The following NBEA variants were observed in gnomAD, a reference collection of about 807,000 sequenced individuals.
The protein encoded by NBEA is neurobeachin.
In NBEA, 44 loss-of-function variants were observed where a neutral mutation model predicts 343.4. The ratio of observed to expected loss-of-function variants is 0.13; its 90% CI spans 0.10 to 0.16. The LOEUF (loss-of-function observed/expected upper bound fraction) is 0.16. NBEA is among the 10% of genes least tolerant of loss of function. The pLI is 1.00. For missense variants in NBEA, 2,555 were observed against 3,631.3 expected (o/e 0.70, Z 7.62); for synonymous variants, 1,175 against 1,238.7 (o/e 0.95, Z 1.08).
At chr13:35,279,292 CATT>C in intron 34 of NBEA, among the ~76,000 whole-genome samples, 1 of 152,212 alleles carries the variant, frequency 6.6e-6, no homozygotes, top group African/African-American at 2.4e-5. Context: ...GATTTTAAAT[CATT>C]AATCTTTACT....
intron 38 of NBEA, among the ~76,000 whole-genome samples, chr13:35,384,781 C>T (rs973946556): frequency 6.6e-6 from 1 of 152,128 alleles, no homozygotes; most frequent in Non-Finnish European, 1.5e-5. Flanking sequence ...CCACCTCGGC[C>T]TCCCAAAGTG....
At chr13:35,241,882 C>A (rs1013525783) in intron 34 of NBEA, among the ~76,000 whole-genome samples, 1 of 151,882 alleles carries the variant, frequency 6.6e-6, no homozygotes, top group Non-Finnish European at 1.5e-5. Flanking sequence ...GAGGAAATTG[C>A]TCAGTTCCCA....
chr13:35,508,447 A>G (rs1233826318), intron 41 of NBEA, among the ~76,000 whole-genome samples: 1 of 152,216 alleles, frequency 6.6e-6, no homozygotes. Context: ...TGTTAGCATG[A>G]AGAATGAATT....
At chr13:35,270,979 C>G (rs541528055) in intron 34 of NBEA, among the ~76,000 whole-genome samples, 1 of 152,354 alleles carries the variant, frequency 6.6e-6, no homozygotes, top group Non-Finnish European at 1.5e-5. Context: ...TGCCTGACAG[C>G]ACCGAAGAGA....
intron 39 of NBEA, among the ~76,000 whole-genome samples, chr13:35,445,172 T>G (rs2045931279): frequency 6.6e-6 from 1 of 152,152 alleles, no homozygotes; most frequent in African/African-American, 2.4e-5. Context: ...TCTTGAGTTT[T>G]TTAATCCTCA....
At chr13:35,657,739 A>G (rs1434593148) in intron 55 of NBEA, among the ~76,000 whole-genome samples, 1 of 152,196 alleles carries the variant, frequency 6.6e-6, no homozygotes, top group African/African-American at 2.4e-5. Flanking sequence ...ACATTGATAA[A>G]AATTAGAACT....
rs79563541 is a variant in NBEA at position 35,330,981 on chromosome 13, G to A, written c.5904-18127G>A. ...CCTTCAAAAAAAAGTTTGATTAGTA[G>A]CATAATTCATAGCTAATATGGCAGA... On this transcript the variant is annotated intron_variant, in intron 36 of 58. Transcript: ENST00000379939. Among the ~76,000 whole-genome samples the A allele has an allele frequency of 2.6e-5, 4 of 151,972 alleles. No homozygotes were observed. In the East Asian group the frequency reaches 7.7e-4, roughly 29 times the overall value.
intron 41 of NBEA, among the ~76,000 whole-genome samples, chr13:35,484,715 C>T (rs2076250264): frequency 6.6e-6 from 1 of 152,000 alleles, no homozygotes; most frequent in South Asian, 2.1e-4. Context: ...GTTTCATTTC[C>T]CCTCCAATAT....
At chr13:35,123,044 C>T (rs1203957332) in intron 16 of NBEA, among the ~76,000 whole-genome samples, 1 of 152,168 alleles carries the variant, frequency 6.6e-6, no homozygotes, top group Non-Finnish European at 1.5e-5. Flanking sequence ...GTAATTCCAG[C>T]ACTTTGGGAG....
intron 40 of NBEA, among the ~76,000 whole-genome samples, chr13:35,468,108 A>C (rs377136644): frequency 0.021 from 1,656 of 80,648 alleles, 16 homozygotes; most frequent in Middle Eastern, 0.062. Context: ...AATGATTTAC[A>C]CCCCCCCCCC....
In NBEA at chr13:35,373,831, G is replaced by C. The variant is rs117973601; in HGVS notation, c.6179+21508G>C. ...ATCATCTTCATGTTGAGTAGGCTGA[G>C]GAGGAGGAAGAAGCAAAGGGGTTGG... On this transcript the variant is annotated intron_variant, in intron 38 of 58. Transcript: ENST00000379939. 6.6e-5 allele frequency among the ~76,000 whole-genome samples: 10 copies of C among 152,186 alleles called. No individual in the cohort carries two copies. The East Asian group carries it at 1.7e-3, about 26-fold the overall frequency.
rs148914716 is a variant in NBEA, at chr13:35,533,895, C to T, written c.6586-16582C>T. Among the ~76,000 whole-genome samples, 14 of 152,212 alleles carry T rather than the reference C, an allele frequency of 9.2e-5. No homozygotes were observed. The East Asian group carries it at 2.7e-3, about 29-fold the overall frequency. ...CATTAAGGTGGGGTTTTGACTGAAA[C>T]ACAGAAATAACCTCTATATATGGAG... On this transcript the variant is annotated intron_variant, in intron 41 of 58. Transcript: ENST00000379939.
chr13:35,044,806 T>C, intron 2 of NBEA, 141 bp from the exon 3 acceptor site: 1 of 411,794 alleles, frequency 2.4e-6, no homozygotes, highest in African/African-American at 2.0e-5. Flanking sequence ...CATTTAGCTG[T>C]ATTAGATACA....
At chr13:35,138,021 C>T (rs1160832993) in intron 17 of NBEA, among the ~76,000 whole-genome samples, 1 of 151,896 alleles carries the variant, frequency 6.6e-6, no homozygotes, top group Admixed American at 6.6e-5. Flanking sequence ...TATTAGGAAT[C>T]TCATAATTAG....
At chr13:35,375,234 T>A (rs1383838101) in intron 38 of NBEA, among the ~76,000 whole-genome samples, 1 of 152,142 alleles carries the variant, frequency 6.6e-6, no homozygotes, top group African/African-American at 2.4e-5. Flanking sequence ...AATCAAGATT[T>A]AAAATTCATG....
intron 39 of NBEA, among the ~76,000 whole-genome samples, chr13:35,449,987 G>T (rs995233619): frequency 2.0e-5 from 3 of 152,182 alleles, no homozygotes; most frequent in Non-Finnish European, 4.4e-5. Context: ...CTCTGTAATG[G>T]TATTGTGATG....
intron 30 of NBEA, 136 bp from the exon 31 acceptor site, chr13:35,195,728 A>G (rs1476260406): frequency 7.2e-6 from 5 of 699,144 alleles, no homozygotes; most frequent in African/African-American, 1.8e-5. Context: ...TTGTGTTACT[A>G]CTATGCACAT....
At chr13:35,252,072 CT>C (rs1266832081) in intron 34 of NBEA, among the ~76,000 whole-genome samples, 1 of 152,168 alleles carries the variant, frequency 6.6e-6, no homozygotes, top group Admixed American at 6.5e-5. Context: ...CATTTTCATA[CT>C]GCTATAAAGA....
intron 35 of NBEA, among the ~76,000 whole-genome samples, chr13:35,300,713 A>G (rs17052029): frequency 0.041 from 6,306 of 152,312 alleles, 151 homozygotes; most frequent in South Asian, 0.078. Flanking sequence ...AGGGGCAATA[A>G]GAAGCATAAA....
Sources: allele counts gnomAD v4.1 joint callset (sites outside exome capture counted in the v4.1 genomes callset), GRCh38; gene constraint gnomAD v4.1.1; transcripts MANE v1.5; gene names NCBI Gene and HGNC (gene_info 2026-07-23, HGNC 2026-07-21).